Variants in RS1 observed in about 807,000 individuals in gnomAD.
RS1 encodes the protein retinoschisin 1.
RS1 carries 2 observed loss-of-function variants against 20.8 expected under a neutral mutation model. The ratio of observed to expected loss-of-function variants is 0.10; its 90% CI spans 0.04 to 0.30. The LOEUF (loss-of-function observed/expected upper bound fraction) is 0.30. RS1 is among the 10% of genes least tolerant of loss of function. The pLI is 1.00. For synonymous variants in RS1, 70 were observed against 75.8 expected (o/e 0.92, Z 0.40); for missense variants, 151 against 189.8 (o/e 0.80, Z 1.20).
chrX:18,664,969 C>T (rs1214247929), intron 1 of RS1, among the ~76,000 whole-genome samples: 1 of 112,149 alleles, frequency 8.9e-6, no homozygotes, highest in Non-Finnish European at 1.9e-5. Context: ...CCTCCCACCT[C>T]GCCCTCCCAA....
At chrX:18,650,046 G>C (rs983853263) in intron 3 of RS1, 4 of 277,687 alleles carry the variant, frequency 1.4e-5, no homozygotes, top group Non-Finnish European at 2.6e-5. Flanking sequence ...GAAAAAGCCA[G>C]TGCCACCTCT....
chrX:18,668,560 G>T (rs190297374), intron 1 of RS1, among the ~76,000 whole-genome samples: 1 of 113,188 alleles, frequency 8.8e-6, no homozygotes, highest in Non-Finnish European at 1.9e-5. Context: ...CAGGAGGAAC[G>T]CACGCAGCAG....
Position 18,656,717 on chromosome X carries a change from G to A in RS1, c.120C>T (p.Cys40=), listed in dbSNP as rs62645885. Residue 40 remains cysteine (C), a synonymous_variant, in exon 3 of 6, where the codon TGC becomes TGT. Transcript: ENST00000379984. Reference sequence around the variant, plus strand: ...GAGCATTGGGTCCTCCTTGGCAATCGCACTTGCATGCTTTTTGGTACCAGG... The same window carrying A: ...GAGCATTGGGTCCTCCTTGGCAATCACACTTGCATGCTTTTTGGTACCAGG... The part of the protein sequence containing the change: ...EDPWYQKACK[C]DCQGGPNALW... The A allele has an allele frequency of 2.5e-6, 3 of 1,210,903 alleles. No individual in the cohort carries two copies. The highest frequency in any genetic ancestry group is 3.5e-5 in the African/African-American group (2 of 57,655).
chrX:18,665,091 C>A (rs184786648), intron 1 of RS1, among the ~76,000 whole-genome samples: 1 of 112,093 alleles, frequency 8.9e-6, no homozygotes, highest in Non-Finnish European at 1.9e-5. Flanking sequence ...CTCCTCCAAG[C>A]CTCCTCTTTT....
chrX:18,645,970 G>A (rs144097628), intron 4 of RS1: 15 of 1,207,429 alleles, frequency 1.2e-5, no homozygotes, highest in Middle Eastern at 2.3e-4. Context: ...CAAGTCATGC[G>A]CACTCTGCTG....
chrX:18,645,601 T>G (rs896325751), intron 4 of RS1, among the ~76,000 whole-genome samples: 3 of 110,788 alleles, frequency 2.7e-5, no homozygotes, highest in Admixed American at 9.7e-5. Context: ...TCTACTTCTG[T>G]CGGTCTCCAC....
chrX:18,642,629 G>A (rs1225240888), intron 5 of RS1, among the ~76,000 whole-genome samples: 1 of 112,496 alleles, frequency 8.9e-6, no homozygotes, highest in Non-Finnish European at 1.9e-5. Flanking sequence ...CCAAAGTAGG[G>A]CTCAAGTGAA....
intron 3 of RS1, among the ~76,000 whole-genome samples, chrX:18,653,979 A>T (rs890368248): frequency 1.8e-4 from 20 of 110,346 alleles, no homozygotes; most frequent in Admixed American, 2.0e-4. Flanking sequence ...AAAAAAAAAT[A>T]AAAAAATAAA....
intron 5 of RS1, 32 bp downstream of exon 5, chrX:18,644,398 G>A (rs775838179): frequency 1.7e-6 from 2 of 1,191,439 alleles, no homozygotes; most frequent in East Asian, 3.0e-5. Flanking sequence ...GAGGGTGCGA[G>A]CTGAAGTTGG....
chrX:18,663,871 C>T (rs1298951164), intron 1 of RS1, among the ~76,000 whole-genome samples: 1 of 111,889 alleles, frequency 8.9e-6, no homozygotes, highest in African/African-American at 3.2e-5. Flanking sequence ...GATATCTTCC[C>T]GTAGATGTCT....
intron 5 of RS1, 100 bp from the exon 6 acceptor site, chrX:18,642,256 A>G: frequency 1.1e-6 from 1 of 947,236 alleles, no homozygotes. Flanking sequence ...TATAGAAATG[A>G]TTAGGAAGTA....
At chrX:18,647,655 T>TA (rs1927841771) in intron 3 of RS1, 1 of 291,917 alleles carries the variant, frequency 3.4e-6, no homozygotes, top group African/African-American at 2.7e-5. Context: ...CTTAGAGATC[T>TA]AAAAACCAAG....
At chrX:18,668,337 C>T (rs1569235051) in intron 1 of RS1, among the ~76,000 whole-genome samples, 1 of 112,098 alleles carries the variant, frequency 8.9e-6, no homozygotes, top group African/African-American at 3.2e-5. Flanking sequence ...CAGGAAATTT[C>T]AAGGCGTGTC....
chrX:18,641,861 A>G lies in RS1; in HGVS notation c.*143T>C. On this transcript the variant is annotated 3_prime_UTR_variant, in exon 6 of 6. Transcript: ENST00000379984. ...TGAAATCAGAAAGCTATATCTTAAAAAAAAAAAAATTATCTACCCAGCACT... is the reference window on the plus strand; with the variant it reads ...TGAAATCAGAAAGCTATATCTTAAAGAAAAAAAAATTATCTACCCAGCACT... 1.7e-6 allele frequency: 1 copy of G among 593,499 alleles called. No homozygotes were observed. The highest frequency in any genetic ancestry group is 2.3e-5 in the African/African-American group (1 of 43,813). The allele number at this position is 593,499 out of a possible 1,213,427, so 48.9% of individuals were successfully genotyped here. A position where few individuals can be genotyped will look rare whatever the true frequency, so the allele number is the denominator to read the frequency against.
chrX:18,647,292 C>T lies in RS1; in HGVS notation c.225G>A (p.Glu75=). ...AGCAGGTGATCTGGTCCGGTGTGACCTCCCCTGACTCGAAACCCAGAGGCT... is the reference window on the plus strand; with the variant it reads ...AGCAGGTGATCTGGTCCGGTGTGACTTCCCCTGACTCGAAACCCAGAGGCT... The part of the protein sequence containing the change: ...YHKPLGFESG[E]VTPDQITCSN... The change falls in exon 4 of 6, where the codon GAG becomes GAA. Residue 75 remains glutamate (E), a synonymous_variant. Coordinates refer to ENST00000379984, the MANE Select transcript of RS1 (RefSeq NM_000330.4). 1 of 1,210,956 alleles carries T rather than the reference C, an allele frequency of 8.3e-7. No individual in the cohort carries two copies. Among genetic ancestry groups the T allele is most frequent in the Non-Finnish European group, 1.1e-6 (1 of 895,180 alleles).
At chrX:18,662,142 C>T (rs986136739) in intron 1 of RS1, among the ~76,000 whole-genome samples, 1 of 112,158 alleles carries the variant, frequency 8.9e-6, no homozygotes, top group African/African-American at 3.2e-5. Context: ...TCTGCTGGCA[C>T]CTTGATCGTG....
intron 3 of RS1, chrX:18,653,281 T>C (rs1928124453): frequency 1.2e-5 from 13 of 1,079,677 alleles, no homozygotes; most frequent in Non-Finnish European, 1.6e-5. Context: ...AGACAGAGCT[T>C]TTAGTATTTT....
At chrX:18,655,364 A>C (rs1928194652) in intron 3 of RS1, among the ~76,000 whole-genome samples, 1 of 112,086 alleles carries the variant, frequency 8.9e-6, no homozygotes, top group Non-Finnish European at 1.9e-5. Context: ...CTGCTTTCCA[A>C]GACAAGAGCA....
At chrX:18,647,666 A>G in intron 3 of RS1, 1 of 278,268 alleles carries the variant, frequency 3.6e-6, no homozygotes, top group Non-Finnish European at 6.5e-6. Flanking sequence ...AAAAACCAAG[A>G]GGTGCACAGT....
Sources: gnomAD v4.1 joint callset for allele counts (sites outside exome capture counted in the v4.1 genomes callset) on GRCh38, gnomAD v4.1.1 for gene constraint, MANE v1.5 for transcripts, NCBI Gene and HGNC (gene_info 2026-07-23, HGNC 2026-07-21) for gene names.